The following CAMKMT variants were observed in gnomAD, a reference collection of about 807,000 sequenced individuals.
CAMKMT encodes CaM KMT.
In CAMKMT, 53 loss-of-function variants were observed where a neutral mutation model predicts 48.0. That is an observed-to-expected ratio of 1.10 (90% CI 0.89 to 1.39). The LOEUF (loss-of-function observed/expected upper bound fraction) is 1.39, where lower values mean the gene tolerates loss of function less well. Ranked by LOEUF, CAMKMT falls within the 40% of genes most tolerant of loss-of-function variation. The pLI is 0.00. For synonymous variants in CAMKMT, 165 were observed against 152.3 expected (o/e 1.08, Z -0.61); for missense variants, 428 against 402.7 (o/e 1.06, Z -0.54).
intron 3 of CAMKMT, among the ~76,000 whole-genome samples, chr2:44,553,445 C>G (rs1187930496): frequency 1.3e-5 from 2 of 151,804 alleles, no homozygotes; most frequent in Non-Finnish European, 2.9e-5. Flanking sequence ...ACTGTAACCT[C>G]CACCTCCTGG....
At chr2:44,413,543 T>C (rs771475204) in intron 3 of CAMKMT, among the ~76,000 whole-genome samples, 1 of 151,824 alleles carries the variant, frequency 6.6e-6, no homozygotes, top group African/African-American at 2.4e-5. Flanking sequence ...TCCTAGCTTC[T>C]TGGGAGGCTG....
intron 3 of CAMKMT, among the ~76,000 whole-genome samples, chr2:44,539,711 GTTATT>G (rs776197201): frequency 4.9e-4 from 75 of 152,212 alleles, no homozygotes; most frequent in Non-Finnish European, 7.9e-4. Context: ...GAGGAGGCCA[GTTATT>G]TTGTTGAATG....
intron 2 of CAMKMT, among the ~76,000 whole-genome samples, chr2:44,387,026 A>G (rs1412346567): frequency 6.6e-6 from 1 of 152,158 alleles, no homozygotes; most frequent in African/African-American, 2.4e-5. Context: ...TGTATCTGTT[A>G]AGTCCATTTG....
At chr2:44,428,176 A>G (rs1333584822) in intron 3 of CAMKMT, among the ~76,000 whole-genome samples, 1 of 152,172 alleles carries the variant, frequency 6.6e-6, no homozygotes, top group Non-Finnish European at 1.5e-5. Context: ...GAATCAGATC[A>G]CACGGACTTG....
At position 44,430,145 on chromosome 2, in the gene CAMKMT, T is replaced by A. The variant is rs529392560; in HGVS notation, c.376+39840T>A. Among the ~76,000 whole-genome samples, 22 of 152,170 alleles carry A rather than the reference T, an allele frequency of 1.4e-4. No individual in the cohort carries two copies. In the South Asian group the frequency reaches 4.0e-3, roughly 27 times the overall value. Reference sequence around the variant, plus strand: ...AGTATTCCATGTAAAACAGTGGTACTCTTGGTGGAAGCTAAAGAATAACCT... The same window carrying A: ...AGTATTCCATGTAAAACAGTGGTACACTTGGTGGAAGCTAAAGAATAACCT... On this transcript the variant is annotated intron_variant, in intron 3 of 10. Coordinates refer to ENST00000378494, the MANE Select transcript of CAMKMT (RefSeq NM_024766.5).
chr2:44,543,101 A>AT (rs1447921803), intron 3 of CAMKMT, among the ~76,000 whole-genome samples: 1 of 152,232 alleles, frequency 6.6e-6, no homozygotes, highest in Non-Finnish European at 1.5e-5. Flanking sequence ...AATTATGTTC[A>AT]TTTATATGTG....
chr2:44,535,580 C>A (rs1490127917), intron 3 of CAMKMT, among the ~76,000 whole-genome samples: 1 of 152,046 alleles, frequency 6.6e-6, no homozygotes, highest in Non-Finnish European at 1.5e-5. Context: ...AAAGATTGCT[C>A]AATATATGCA....
intron 3 of CAMKMT, among the ~76,000 whole-genome samples, chr2:44,508,434 G>T (rs1670369354): frequency 6.6e-6 from 1 of 152,122 alleles, no homozygotes; most frequent in Admixed American, 6.5e-5. Flanking sequence ...TACAGGAAGG[G>T]AGTTCCCCAC....
intron 2 of CAMKMT, among the ~76,000 whole-genome samples, chr2:44,385,048 T>G (rs1217704855): frequency 1.3e-5 from 2 of 152,316 alleles, no homozygotes; most frequent in African/African-American, 4.8e-5. Flanking sequence ...GGGATTGAAT[T>G]GAATTTGTAG....
At chr2:44,453,079 T>C (rs112158165) in intron 3 of CAMKMT, among the ~76,000 whole-genome samples, 2,242 of 152,158 alleles carry the variant, frequency 0.015, 61 homozygotes, top group African/African-American at 0.052. Context: ...TAACAACTTA[T>C]CATGTATTCA....
At chr2:44,506,844 T>G (rs1054196779) in intron 3 of CAMKMT, among the ~76,000 whole-genome samples, 1 of 152,208 alleles carries the variant, frequency 6.6e-6, no homozygotes, top group Non-Finnish European at 1.5e-5. Context: ...CTAATATTAC[T>G]TTAAATAATC....
intron 3 of CAMKMT, among the ~76,000 whole-genome samples, chr2:44,431,222 C>CA (rs1015851492): frequency 6.6e-6 from 1 of 151,856 alleles, no homozygotes; most frequent in Non-Finnish European, 1.5e-5. Flanking sequence ...TAAACTGATA[C>CA]TTTTTTTTCC....
chr2:44,417,496 G>A (rs770384969), intron 3 of CAMKMT, among the ~76,000 whole-genome samples: 26 of 152,184 alleles, frequency 1.7e-4, no homozygotes, highest in South Asian at 2.1e-4. Context: ...GGGCTGTTTT[G>A]CATAAAACTA....
intron 3 of CAMKMT, among the ~76,000 whole-genome samples, chr2:44,484,808 C>G (rs908091226): frequency 6.6e-6 from 1 of 151,698 alleles, no homozygotes; most frequent in South Asian, 2.1e-4. Context: ...GAGTAGGAGG[C>G]GGTATTTGAA....
rs897720732 is a variant in CAMKMT at position 44,695,863 on chromosome 2, T to C, written c.377-8420T>C. The stretch of plus-strand genomic sequence containing the variant: ...GTAGCTGGTTCTCCGTATCCATGGA[T>C]TCTGCATCTGAGGATTCAGCCAACC... On this transcript the variant is annotated intron_variant, in intron 3 of 10. Transcript: ENST00000378494. Among the ~76,000 whole-genome samples the C allele has an allele frequency of 4.5e-4, 68 of 151,946 alleles. 1 individual carries two copies. Among genetic ancestry groups the C allele is most frequent in the Non-Finnish European group, 1.0e-4 (7 of 67,982 alleles).
At chr2:44,709,618 AT>A (rs1014200565) in intron 6 of CAMKMT, among the ~76,000 whole-genome samples, 4 of 151,462 alleles carry the variant, frequency 2.6e-5, no homozygotes, top group Non-Finnish European at 5.9e-5. Flanking sequence ...AATATGAATG[AT>A]TTTTTTTTCT....
At chr2:44,454,800 C>A (rs766184442) in intron 3 of CAMKMT, among the ~76,000 whole-genome samples, 1 of 152,108 alleles carries the variant, frequency 6.6e-6, no homozygotes, top group Non-Finnish European at 1.5e-5. Context: ...TGTATTGTAT[C>A]AGTGAATCAA....
At chr2:44,681,749 T>C (rs558700165) in intron 3 of CAMKMT, among the ~76,000 whole-genome samples, 2 of 152,332 alleles carry the variant, frequency 1.3e-5, no homozygotes, top group Admixed American at 1.3e-4. Context: ...TTGTGCAAAG[T>C]CTTGATGATT....
At chr2:44,723,455 T>TCGGCGGGCACCTGTA (rs1678589468) in intron 7 of CAMKMT, among the ~76,000 whole-genome samples, 1 of 151,742 alleles carries the variant, frequency 6.6e-6, no homozygotes, top group Non-Finnish European at 1.5e-5. Context: ...GCCAGGCGTG[T>TCGGCGGGCACCTGTA]CGGCGGGCAC....
Sources: allele counts gnomAD v4.1 joint callset (sites outside exome capture counted in the v4.1 genomes callset), GRCh38; gene constraint gnomAD v4.1.1; transcripts MANE v1.5; gene names NCBI Gene and HGNC (gene_info 2026-07-23, HGNC 2026-07-21).